The following FBN1 variants were observed in gnomAD, a reference collection of about 807,000 sequenced individuals.
FBN1 encodes fibrillin-1.
In FBN1, 29 loss-of-function variants were observed where a neutral mutation model predicts 365.1. That is an observed-to-expected ratio of 0.08 (90% CI 0.06 to 0.11). The LOEUF is 0.11. FBN1 is among the 10% of genes least tolerant of loss of function. FBN1 has a pLI of 1.00. For synonymous variants in FBN1, 1,210 were observed against 1,270.5 expected (o/e 0.95, Z 1.01); for missense variants, 2,476 against 3,703.2 (o/e 0.67, Z 8.60).
chr15:48,456,825 C>T, intron 43 of FBN1, 63 bp from the exon 44 acceptor site: 13 of 1,463,694 alleles, frequency 8.9e-6, no homozygotes, highest in Non-Finnish European at 1.2e-5. Context: ...CAGGGTAAGA[C>T]AAGATGGAAA....
intron 13 of FBN1, among the ~76,000 whole-genome samples, chr15:48,512,345 G>A (rs1226398895): frequency 2.0e-5 from 3 of 152,178 alleles, no homozygotes; most frequent in Non-Finnish European, 2.9e-5. Context: ...AAACTTTTAA[G>A]TTTAGGGATA....
At chr15:48,637,073 C>T (rs984983995) in intron 2 of FBN1, among the ~76,000 whole-genome samples, 3 of 152,166 alleles carry the variant, frequency 2.0e-5, no homozygotes, top group African/African-American at 7.2e-5. Context: ...AGGTCCTCCT[C>T]GCCTTTGTCT....
intron 4 of FBN1, among the ~76,000 whole-genome samples, chr15:48,607,495 G>A (rs1396865166): frequency 6.7e-6 from 1 of 149,724 alleles, no homozygotes; most frequent in Non-Finnish European, 1.5e-5. Context: ...AGTTATGCAG[G>A]CAGAGCCCTC....
At chr15:48,638,490 C>G (rs1403971123) in intron 2 of FBN1, among the ~76,000 whole-genome samples, 1 of 152,176 alleles carries the variant, frequency 6.6e-6, no homozygotes, top group Non-Finnish European at 1.5e-5. Flanking sequence ...GGAGTAATTA[C>G]TGAAACTCTG....
intron 8 of FBN1, among the ~76,000 whole-genome samples, chr15:48,528,719 T>C (rs1053363572): frequency 1.3e-5 from 2 of 152,094 alleles, no homozygotes; most frequent in African/African-American, 4.8e-5. Flanking sequence ...TAAGATAAAA[T>C]GGGACTAGGC....
intron 14 of FBN1, 69 bp from the exon 15 acceptor site, chr15:48,508,773 G>A: frequency 6.4e-7 from 1 of 1,568,634 alleles, no homozygotes; most frequent in Non-Finnish European, 8.7e-7. Flanking sequence ...CAATCTGGAT[G>A]AAAATAATTC....
intron 4 of FBN1, among the ~76,000 whole-genome samples, chr15:48,604,376 G>C (rs2044590467): frequency 6.6e-6 from 1 of 152,082 alleles, no homozygotes; most frequent in Non-Finnish European, 1.5e-5. Context: ...CTAACTTCTG[G>C]ACTCTACACC....
intron 4 of FBN1, among the ~76,000 whole-genome samples, chr15:48,610,096 C>G (rs1008833428): frequency 1.3e-5 from 2 of 152,114 alleles, no homozygotes; most frequent in African/African-American, 4.8e-5. Context: ...AGAACTTCAG[C>G]TTTTTAAACA....
intron 4 of FBN1, among the ~76,000 whole-genome samples, chr15:48,608,597 G>A (rs1317402612): frequency 6.6e-6 from 1 of 152,164 alleles, no homozygotes; most frequent in Non-Finnish European, 1.5e-5. Flanking sequence ...CAATTTTAAA[G>A]ATTTCAAGTA....
intron 50 of FBN1, among the ~76,000 whole-genome samples, chr15:48,438,589 T>C (rs1173766507): frequency 6.9e-6 from 1 of 145,586 alleles, no homozygotes. Context: ...GTGTCAATGT[T>C]AAATTTTTAA....
chr15:48,495,184 C>T lies in FBN1; in HGVS notation c.2616G>A (p.Lys872=), dbSNP rs763539450. The T allele has an allele frequency of 1.9e-6, 3 of 1,614,158 alleles. No individual in the cohort carries two copies. In the South Asian group the frequency reaches 3.3e-5, roughly 18 times the overall value. The change falls in exon 22 of 66, where the codon AAG becomes AAA. Residue 872 remains lysine, a synonymous_variant. Transcript: ENST00000316623. ...CEININGATL[K]SQCCSSLGAA... is the part of the protein sequence containing the mutation. ...CACCGAGGGAGGAGCAGCACTGGGA[C>T]TTTAAGGTGGCTCCATTGATGTTGA...
At chr15:48,580,779 C>T (rs946747019) in intron 6 of FBN1, among the ~76,000 whole-genome samples, 10 of 152,178 alleles carry the variant, frequency 6.6e-5, no homozygotes, top group African/African-American at 2.4e-4. Flanking sequence ...TAATTATTTT[C>T]ATTCTTATCT....
intron 31 of FBN1, among the ~76,000 whole-genome samples, chr15:48,483,270 T>C (rs758921879): frequency 3.3e-5 from 5 of 152,218 alleles, no homozygotes; most frequent in Non-Finnish European, 5.9e-5. Flanking sequence ...ATTGAACTTA[T>C]GCAGAGACAC....
At chr15:48,488,644 G>C (rs930899956) in intron 25 of FBN1, 151 bp from the exon 26 acceptor site, 2 of 860,434 alleles carry the variant, frequency 2.3e-6, no homozygotes, top group East Asian at 5.0e-5. Context: ...TGATCCATGA[G>C]ATATATGACT....
chr15:48,606,523 T>A (rs1029488704), intron 4 of FBN1, among the ~76,000 whole-genome samples: 7 of 152,218 alleles, frequency 4.6e-5, no homozygotes, highest in Non-Finnish European at 1.0e-4. Flanking sequence ...ATATAACATT[T>A]GTGAAATGAA....
chr15:48,530,091 A>G (rs2043955777), intron 8 of FBN1, among the ~76,000 whole-genome samples: 1 of 105,824 alleles, frequency 9.4e-6, no homozygotes, highest in Non-Finnish European at 2.0e-5. Context: ...TCACAACTTG[A>G]AAATGGAGTC....
Position 48,644,968 on chromosome 15 carries a change from A to C in FBN1, c.-181-18T>G. ...CCTGCCAGCTGCAACACAGAGACAA[A>C]TCCCCGAGGCGGGGAGACTTTCAGG... On this transcript the variant is annotated intron_variant, in intron 1 of 65. Transcript: ENST00000316623. 17 of 387,634 alleles carry C rather than the reference A, an allele frequency of 4.4e-5. No individual in the cohort carries two copies. Among genetic ancestry groups the C allele is most frequent in the East Asian group, 1.4e-4 (3 of 20,988 alleles). 24.0% of individuals were successfully genotyped at this position (387,634 alleles called of 1,614,324 possible). A position where few individuals can be genotyped will look rare whatever the true frequency, so the allele number is the denominator to read the frequency against.
chr15:48,459,967 C>A (rs2043268482), intron 43 of FBN1, among the ~76,000 whole-genome samples: 1 of 152,156 alleles, frequency 6.6e-6, no homozygotes, highest in Non-Finnish European at 1.5e-5. Flanking sequence ...AGAATCTCTC[C>A]CCATGTTGAT....
At chr15:48,493,145 A>C (rs1453554397) in intron 23 of FBN1, among the ~76,000 whole-genome samples, 1 of 152,150 alleles carries the variant, frequency 6.6e-6, no homozygotes, top group Non-Finnish European at 1.5e-5. Context: ...GCTTGGGTTG[A>C]GGGGAATTAA....
Sources: allele counts gnomAD v4.1 joint callset (sites outside exome capture counted in the v4.1 genomes callset), GRCh38; gene constraint gnomAD v4.1.1; transcripts MANE v1.5; gene names NCBI Gene and HGNC (gene_info 2026-07-23, HGNC 2026-07-21).